Variants in PRKCA observed in about 807,000 individuals in gnomAD.
The protein encoded by PRKCA is protein kinase C alpha type.
A neutral mutation model predicts 87.0 loss-of-function variants in PRKCA; 27 were observed. That is an observed-to-expected ratio of 0.31 (90% CI 0.23 to 0.43). PRKCA has a LOEUF of 0.43. PRKCA is among the 20% of genes least tolerant of loss of function. PRKCA has a pLI of 1.00. For missense variants in PRKCA, 518 were observed against 852.3 expected, an observed-to-expected ratio of 0.61 and a Z score of 4.88; for synonymous variants, 329 against 311.1, an observed-to-expected ratio of 1.06 and a Z score of -0.61.
In PRKCA at chr17:66,327,181, A is replaced by G. The variant is rs1308574981; in HGVS notation, c.205+21054A>G. Among the ~76,000 whole-genome samples, 10 of 151,962 alleles carry G rather than the reference A, an allele frequency of 6.6e-5. No individual in the cohort carries two copies. The South Asian group carries it at 8.3e-4, about 13-fold the overall frequency. ...GTCAGGAGAGACCATCCTGGCTAAC[A>G]TGGTGAAACCCCGTCTCTACTAAAA... On this transcript the variant is annotated intron_variant, in intron 2 of 16. Coordinates refer to ENST00000413366, the MANE Select transcript of PRKCA (RefSeq NM_002737.3).
chr17:66,498,108 G>C (rs1567859660), intron 3 of PRKCA, among the ~76,000 whole-genome samples: 1 of 152,082 alleles, frequency 6.6e-6, no homozygotes. Flanking sequence ...AAACTAGTTA[G>C]TGTCATTCCC....
intron 8 of PRKCA, among the ~76,000 whole-genome samples, chr17:66,699,581 G>A (rs1973012531): frequency 6.6e-6 from 1 of 152,232 alleles, no homozygotes; most frequent in African/African-American, 2.4e-5. Context: ...GGCTTCACTG[G>A]TGAATGCTAC....
intron 13 of PRKCA, among the ~76,000 whole-genome samples, chr17:66,745,143 G>A (rs1446685172): frequency 6.6e-6 from 1 of 152,160 alleles, no homozygotes; most frequent in Non-Finnish European, 1.5e-5. Context: ...TTGGGGAGAG[G>A]GGACTTAGTC....
chr17:66,350,920 C>A (rs1795118999), intron 2 of PRKCA, among the ~76,000 whole-genome samples: 1 of 152,254 alleles, frequency 6.6e-6, no homozygotes, highest in Non-Finnish European at 1.5e-5. Flanking sequence ...TTTCCTCCCT[C>A]CCTTTCAATG....
At chr17:66,511,741 T>G (rs1397065579) in intron 3 of PRKCA, among the ~76,000 whole-genome samples, 1 of 151,132 alleles carries the variant, frequency 6.6e-6, no homozygotes, top group East Asian at 1.9e-4. Flanking sequence ...AGTGCAGTGG[T>G]GTGATCTTGG....
chr17:66,739,045 G>T (rs1440142848), intron 11 of PRKCA, among the ~76,000 whole-genome samples, 190 bp downstream of exon 11: 1 of 152,102 alleles, frequency 6.6e-6, no homozygotes, highest in African/African-American at 2.4e-5. Flanking sequence ...ACCATGCCTG[G>T]CTAATTTTCT....
chr17:66,542,456 G>A (rs1968017214), intron 3 of PRKCA, among the ~76,000 whole-genome samples: 1 of 152,042 alleles, frequency 6.6e-6, no homozygotes, highest in African/African-American at 2.4e-5. Context: ...GGGGGTGAGA[G>A]CAAGGAGGGA....
intron 3 of PRKCA, among the ~76,000 whole-genome samples, chr17:66,587,165 G>A (rs185873962): frequency 2.6e-4 from 39 of 152,142 alleles, no homozygotes; most frequent in African/African-American, 3.9e-4. Flanking sequence ...ATCTCTTCCC[G>A]TTTTCCTACA....
chr17:66,427,577 TGTAC>T (rs1049394592), intron 2 of PRKCA, among the ~76,000 whole-genome samples: 2 of 152,254 alleles, frequency 1.3e-5, no homozygotes, highest in Non-Finnish European at 2.9e-5. Flanking sequence ...GGCCTTGTTT[TGTAC>T]CTCTTAACTG....
intron 5 of PRKCA, among the ~76,000 whole-genome samples, chr17:66,658,237 T>A (rs1463388081): frequency 1.3e-5 from 2 of 152,064 alleles, no homozygotes; most frequent in African/African-American, 4.8e-5. Flanking sequence ...CCCAGCACTT[T>A]GGGAGGTCAA....
At chr17:66,455,521 T>A (rs932663078) in intron 2 of PRKCA, among the ~76,000 whole-genome samples, 1 of 152,238 alleles carries the variant, frequency 6.6e-6, no homozygotes, top group Admixed American at 6.5e-5. Context: ...TCCAAATTTC[T>A]AAGGATTATC....
At chr17:66,415,007 T>C (rs1471445759) in intron 2 of PRKCA, 3 of 152,050 alleles carry the variant, frequency 2.0e-5, no homozygotes, top group African/African-American at 7.2e-5. Flanking sequence ...GCCAACATGA[T>C]AACGTTTATC....
At chr17:66,498,365 C>G (rs921629246) in intron 3 of PRKCA, among the ~76,000 whole-genome samples, 15 of 152,140 alleles carry the variant, frequency 9.9e-5, no homozygotes, top group African/African-American at 3.6e-4. Context: ...CTGTATTTTT[C>G]TTTCCTCTCT....
At chr17:66,333,881 C>G (rs1906501019) in intron 2 of PRKCA, among the ~76,000 whole-genome samples, 1 of 152,134 alleles carries the variant, frequency 6.6e-6, no homozygotes, top group Non-Finnish European at 1.5e-5. Context: ...TTTCACTGTC[C>G]CCTTACCCTC....
At chr17:66,622,395 C>T (rs1308769276) in intron 3 of PRKCA, among the ~76,000 whole-genome samples, 1 of 152,190 alleles carries the variant, frequency 6.6e-6, no homozygotes, top group Non-Finnish European at 1.5e-5. Context: ...CCCAACAGGG[C>T]AGATCAGAAG....
At chr17:66,720,915 T>C (rs769053539) in intron 8 of PRKCA, among the ~76,000 whole-genome samples, 1 of 152,178 alleles carries the variant, frequency 6.6e-6, no homozygotes, top group Non-Finnish European at 1.5e-5. Context: ...TGCTAAGAGA[T>C]CATGTATTTT....
chr17:66,513,901 CAT>C (rs1476834479), intron 3 of PRKCA, among the ~76,000 whole-genome samples: 2 of 152,118 alleles, frequency 1.3e-5, no homozygotes, highest in South Asian at 2.1e-4. Flanking sequence ...GGTGATTTGA[CAT>C]AGGGAGATTT....
chr17:66,735,794 A>T (rs1179449932), intron 10 of PRKCA, 132 bp downstream of exon 10: 1 of 986,998 alleles, frequency 1.0e-6, no homozygotes, highest in Admixed American at 2.7e-5. Flanking sequence ...AGCAGAGGTG[A>T]CTGGGGACCA....
intron 2 of PRKCA, among the ~76,000 whole-genome samples, chr17:66,452,801 A>T (rs1348978745): frequency 2.0e-5 from 3 of 152,180 alleles, no homozygotes; most frequent in Non-Finnish European, 4.4e-5. Flanking sequence ...GAGGCGGAGC[A>T]TGCAGTGAGC....
Sources: allele counts gnomAD v4.1 joint callset (sites outside exome capture counted in the v4.1 genomes callset), GRCh38; gene constraint gnomAD v4.1.1; transcripts MANE v1.5; gene names NCBI Gene and HGNC (gene_info 2026-07-23, HGNC 2026-07-21).